ABCA13: variants seen among roughly 807,000 people sequenced by gnomAD.
ABCA13 encodes ATP binding cassette subfamily A member 13.
A neutral mutation model predicts 478.7 loss-of-function variants in ABCA13; 476 were observed. That is an observed-to-expected ratio of 0.99 (90% confidence interval 0.92 to 1.07). The LOEUF (loss-of-function observed/expected upper bound fraction) is 1.07. Among genes scored for constraint, ABCA13 ranks in the 50% least tolerant of loss-of-function variants. ABCA13 has a pLI of 0.00. For synonymous variants in ABCA13, 2,252 were observed against 2,158.9 expected, an observed-to-expected ratio of 1.04 and a Z score of -1.20; for missense variants, 6,060 against 5,910.6, an observed-to-expected ratio of 1.03 and a Z score of -0.83.
chr7:48,560,247 A>G (rs1280939952), intron 55 of ABCA13, among the ~76,000 whole-genome samples: 2 of 152,050 alleles, frequency 1.3e-5, no homozygotes, highest in Admixed American at 6.6e-5. Context: ...TGCTACCTCC[A>G]TGTGTGGGCA....
At chr7:48,189,464 C>T (rs1796803822) in intron 1 of ABCA13, among the ~76,000 whole-genome samples, 1 of 152,144 alleles carries the variant, frequency 6.6e-6, no homozygotes, top group Non-Finnish European at 1.5e-5. Flanking sequence ...TATTTTTTCA[C>T]TTGTGATTTT....
intron 60 of ABCA13, among the ~76,000 whole-genome samples, chr7:48,644,312 T>C (rs974499529): frequency 2.0e-5 from 3 of 152,174 alleles, no homozygotes; most frequent in Non-Finnish European, 4.4e-5. Flanking sequence ...TGTTAGGCCA[T>C]GTTAAATTCC....
intron 55 of ABCA13, among the ~76,000 whole-genome samples, chr7:48,570,532 C>A (rs112282994): frequency 0.13 from 20,011 of 151,570 alleles, 1,623 homozygotes; most frequent in African/African-American, 0.2. Context: ...ACCATGTTAG[C>A]CAGGGTGGTC....
chr7:48,531,166 T>G (rs927502499), intron 55 of ABCA13, among the ~76,000 whole-genome samples: 1 of 152,194 alleles, frequency 6.6e-6, no homozygotes, highest in Non-Finnish European at 1.5e-5. Context: ...GATGTTTGTA[T>G]AAGGTGAGAG....
chr7:48,617,833 C>G (rs889968295), intron 59 of ABCA13, among the ~76,000 whole-genome samples: 1 of 152,002 alleles, frequency 6.6e-6, no homozygotes, highest in African/African-American at 2.4e-5. Flanking sequence ...AGCCATTTTT[C>G]AGGGTGAAGT....
intron 7 of ABCA13, among the ~76,000 whole-genome samples, chr7:48,233,377 G>C (rs140863169): frequency 6.6e-6 from 1 of 152,076 alleles, no homozygotes; most frequent in Non-Finnish European, 1.5e-5. Flanking sequence ...CAGTTGCTGA[G>C]GCATACTCCC....
chr7:48,439,806 G>A (rs543811627), intron 42 of ABCA13, among the ~76,000 whole-genome samples: 59 of 152,192 alleles, frequency 3.9e-4, no homozygotes, highest in African/African-American at 1.3e-3. Context: ...ACTGATTAGC[G>A]TTCTTAATGA....
At chr7:48,198,185 C>A (rs915953353) in intron 2 of ABCA13, 52 bp from the exon 3 acceptor site, 1 of 1,532,404 alleles carries the variant, frequency 6.5e-7, no homozygotes, top group Non-Finnish European at 8.8e-7. Flanking sequence ...ACAGGAATTC[C>A]ATTTCTGGTA....
rs551002195 is a variant in ABCA13, at chr7:48,352,603, C to T, written c.10688+116C>T. On this transcript the variant is annotated intron_variant, in intron 31 of 61. Coordinates refer to ENST00000435803, the MANE Select transcript of ABCA13 (RefSeq NM_152701.5). ...TTCAAAAAGCACTGTTAAAAAAGTTCACCCCCCACTTTTTAATTTCGTAAG... is the reference window on the plus strand; with the variant it reads ...TTCAAAAAGCACTGTTAAAAAAGTTTACCCCCCACTTTTTAATTTCGTAAG... 4.2e-4 allele frequency: 513 copies of T among 1,217,814 alleles called. 3 individuals carry two copies. In the South Asian group the frequency reaches 7.7e-3, roughly 18 times the overall value. 75.4% of individuals were successfully genotyped at this position (1,217,814 alleles called of 1,614,324 possible). A position where few individuals can be genotyped will look rare whatever the true frequency, so the allele number is the denominator to read the frequency against.
rs759558569 is a variant in ABCA13, at chr7:48,645,513, G to A, written c.*1G>A. The A allele has an allele frequency of 2.5e-6, 4 of 1,574,494 alleles. No individual in the cohort carries two copies. Among genetic ancestry groups the A allele is most frequent in the Non-Finnish European group, 3.5e-6 (4 of 1,158,260 alleles). ...CCACACACATCACTTGCCCATCTGAGCACTAAAGAAGTTTCCATAAGGAAT... is the reference window on the plus strand; with the variant it reads ...CCACACACATCACTTGCCCATCTGAACACTAAAGAAGTTTCCATAAGGAAT... On this transcript the variant is annotated 3_prime_UTR_variant, in exon 62 of 62. Coordinates refer to ENST00000435803, the MANE Select transcript of ABCA13 (RefSeq NM_152701.5).
At position 48,514,310 on chromosome 7, in the gene ABCA13, G is replaced by C. The variant is rs546042260; in HGVS notation, c.13641-2415G>C. Among the ~76,000 whole-genome samples the C allele has an allele frequency of 6.6e-5, 10 of 152,304 alleles. No homozygotes were observed. In the South Asian group the frequency reaches 1.9e-3, roughly 28 times the overall value. On this transcript the variant is annotated intron_variant, in intron 51 of 61. Coordinates refer to ENST00000435803, the MANE Select transcript of ABCA13 (RefSeq NM_152701.5). Reference sequence around the variant, plus strand: ...GTCCCACAATGCAAAATTTAACAGAGAGAGCTGGTTGAATATCGTGTTGTT... The same window carrying C: ...GTCCCACAATGCAAAATTTAACAGACAGAGCTGGTTGAATATCGTGTTGTT...
rs142807387 is a variant in ABCA13, at chr7:48,484,967, T to A, written c.13182+1804T>A. Among the ~76,000 whole-genome samples, 136 of 152,370 alleles carry A rather than the reference T, an allele frequency of 8.9e-4. 1 individual carries two copies. The highest frequency in any genetic ancestry group is 3.2e-3 in the African/African-American group (133 of 41,598). On this transcript the variant is annotated intron_variant, in intron 47 of 61. Coordinates refer to ENST00000435803, the MANE Select transcript of ABCA13 (RefSeq NM_152701.5). ...GCTACATTCATCGACATAGATGATATGATTTCATAGTCCTTCTGAAGGAAA... is the reference window on the plus strand; with the variant it reads ...GCTACATTCATCGACATAGATGATAAGATTTCATAGTCCTTCTGAAGGAAA...
At chr7:48,277,778 T>A (rs1796492148) in intron 17 of ABCA13, among the ~76,000 whole-genome samples, 1 of 152,212 alleles carries the variant, frequency 6.6e-6, no homozygotes, top group Admixed American at 6.5e-5. Flanking sequence ...CACATTGTAG[T>A]CATTTTACTT....
At chr7:48,500,036 G>C (rs1260922131) in intron 48 of ABCA13, among the ~76,000 whole-genome samples, 2 of 152,176 alleles carry the variant, frequency 1.3e-5, no homozygotes, top group Non-Finnish European at 2.9e-5. Context: ...AATCAGGGTT[G>C]TAGTTCTCAC....
intron 47 of ABCA13, 105 bp downstream of exon 47, chr7:48,483,268 C>T: frequency 1.0e-6 from 1 of 966,414 alleles, no homozygotes; most frequent in Non-Finnish European, 1.5e-6. Context: ...AGATTAAATC[C>T]AATCATTTGT....
chr7:48,467,173 G>A (rs73105599), intron 44 of ABCA13, 128 bp downstream of exon 44: 21,474 of 904,076 alleles, frequency 0.024, 337 homozygotes, highest in Non-Finnish European at 0.028. Flanking sequence ...ATGAAAATTA[G>A]CCTAATGACT....
rs75716599 is a variant in ABCA13 at position 48,222,890 on chromosome 7, C to T, written c.468+1581C>T. On this transcript the variant is annotated intron_variant, in intron 5 of 61. Transcript: ENST00000435803. ...GGACATTGTGTCAAGCAGAGACCGA[C>T]GGTAGCCAGAGCGGAAGTGGGAGCC... Among the ~76,000 whole-genome samples the T allele has an allele frequency of 8.5e-5, 13 of 152,168 alleles. No individual in the cohort carries two copies. In the East Asian group the frequency reaches 1.9e-3, roughly 23 times the overall value.
chr7:48,523,374 T>C (rs754313820), intron 53 of ABCA13, among the ~76,000 whole-genome samples: 5 of 152,068 alleles, frequency 3.3e-5, no homozygotes, highest in South Asian at 2.1e-4. Flanking sequence ...TTTTAATACC[T>C]TTTTTATTTT....
chr7:48,276,446 A>G lies in ABCA13; in HGVS notation c.6780A>G (p.Ile2260Met), dbSNP rs1055422361. ...AAACAGTTCTCTCTCTGAGAAGCAT[A>G]GTAGATTTCACAGAACAGTTTTTGA... ...SRKTVLSLRS[I>M]VDFTEQFLKT... is the part of the protein sequence containing the mutation. The change falls in exon 17 of 62, where the codon ATA (isoleucine) becomes ATG (methionine). Residue 2260 changes from isoleucine to methionine, a missense_variant. Ile to Met is a conservative substitution (Grantham distance 10). Transcript: ENST00000435803. The G allele has an allele frequency of 1.9e-6, 3 of 1,591,152 alleles. No individual in the cohort carries two copies. The highest frequency in any genetic ancestry group is 2.7e-5 in the African/African-American group (2 of 74,254).
Sources: allele counts gnomAD v4.1 joint callset (sites outside exome capture counted in the v4.1 genomes callset), GRCh38; gene constraint gnomAD v4.1.1; transcripts MANE v1.5; gene names NCBI Gene and HGNC (gene_info 2026-07-23, HGNC 2026-07-21).